Variants in COPG1 observed in about 807,000 individuals in gnomAD.
The protein encoded by COPG1 is coat protein complex I subunit gamma 1.
In COPG1, 29 loss-of-function variants were observed where a neutral mutation model predicts 102.8. The ratio of observed to expected loss-of-function variants is 0.28; its 90% CI spans 0.21 to 0.38. COPG1 has a LOEUF of 0.38. Ranked by LOEUF, COPG1 falls within the 10% of genes least tolerant of loss-of-function variation. The pLI, the probability that COPG1 is intolerant of heterozygous loss-of-function variation, is 1.00. For synonymous variants in COPG1, 406 were observed against 421.6 expected (o/e 0.96, Z 0.45); for missense variants, 875 against 1,132.7 (o/e 0.77, Z 3.27).
At chr3:129,254,768 C>T in intron 6 of COPG1, 25 bp downstream of exon 6, 1 of 1,600,986 alleles carries the variant, frequency 6.2e-7, no homozygotes, top group East Asian at 2.2e-5. Flanking sequence ...TTCCTCCCTG[C>T]TTCCTGGCCT....
Position 129,272,395 on chromosome 3 carries a change from C to T in COPG1, c.2138C>T (p.Pro713Leu). 1 of 1,613,762 alleles carries T rather than the reference C, an allele frequency of 6.2e-7. No individual in the cohort carries two copies. Among genetic ancestry groups the T allele is most frequent in the South Asian group, 1.1e-5 (1 of 91,016 alleles). The part of the protein sequence containing the change: ...PGTCYTLVAL[P>L]KEDPTAVACT... ...ACCTGCTACACACTGGTGGCACTGCCCAAAGAAGACCCCACAGCTGGTGAG... is the reference window on the plus strand; with the variant it reads ...ACCTGCTACACACTGGTGGCACTGCTCAAAGAAGACCCCACAGCTGGTGAG... The change falls in exon 20 of 24, where the codon CCC becomes CTC. Residue 713 changes from proline (P) to leucine (L), a missense_variant. Physicochemically the swap from Pro to Leu is moderately conservative, Grantham distance 98 (BLOSUM62 -3). Transcript: ENST00000314797.
chr3:129,256,092 G>A lies in COPG1; in HGVS notation c.517G>A (p.Val173Met), dbSNP rs369168388. Residue 173 changes from valine (V) to methionine (M), a missense_variant, in exon 8 of 24, where the codon GTG becomes ATG. By Grantham distance (21) the Val-to-Met change is conservative. Coordinates refer to ENST00000314797, the MANE Select transcript of COPG1 (RefSeq NM_016128.4). The stretch of plus-strand genomic sequence containing the variant: ...GCACCTGCTGAAGTGCAGCTTTGAC[G>A]TGGTCAAGCGCTGGGTGAATGAGGC... Reference protein sequence around the residue: ...SLHLLKCSFDVVKRWVNEAQE... With the variant: ...SLHLLKCSFDMVKRWVNEAQE... The A allele has an allele frequency of 8.1e-6, 13 of 1,613,942 alleles. No homozygotes were observed. The highest frequency in any genetic ancestry group is 1.7e-4 in the Middle Eastern group (1 of 6,052).
intron 8 of COPG1, among the ~76,000 whole-genome samples, chr3:129,257,052 C>G (rs2107674126): frequency 6.6e-6 from 1 of 152,294 alleles, no homozygotes; most frequent in African/African-American, 2.4e-5. Flanking sequence ...GTGGGTAATG[C>G]AAGATTTCAT....
chr3:129,275,013 T>C lies in COPG1; in HGVS notation c.2395+37T>C, dbSNP rs1455563219. On this transcript the variant is annotated intron_variant, in intron 22 of 23. Transcript: ENST00000314797. This position sits in a 1 kb window ranked among gnomAD's most constrained non-coding sequence, Gnocchi z 5.0. The stretch of plus-strand genomic sequence containing the variant: ...GGAATGCCATCTCTGGCCTAATTAC[T>C]GTTCAAGATCTTTGGCTACTATTGA... 1.2e-6 allele frequency: 2 copies of C among 1,610,146 alleles called. No homozygotes were observed. Among genetic ancestry groups the C allele is most frequent in the Non-Finnish European group, 1.7e-6 (2 of 1,176,730 alleles).
At position 129,275,428 on chromosome 3, in the gene COPG1, T is replaced by G. The variant is rs1940246358; in HGVS notation, c.2494+136T>G. Reference sequence around the variant, plus strand: ...TTAAAATTCACAAAGTATAAAATAATCTGCAGCGAAATGTTTCCTCCCTAC... The same window carrying G: ...TTAAAATTCACAAAGTATAAAATAAGCTGCAGCGAAATGTTTCCTCCCTAC... On this transcript the variant is annotated intron_variant, in intron 23 of 23. Coordinates refer to ENST00000314797, the MANE Select transcript of COPG1 (RefSeq NM_016128.4). This position sits in a 1 kb window ranked among gnomAD's most constrained non-coding sequence, Gnocchi z 5.0. 1 of 645,472 alleles carries G rather than the reference T, an allele frequency of 1.5e-6. No homozygotes were observed. Among genetic ancestry groups the G allele is most frequent in the East Asian group, 2.8e-5 (1 of 36,224 alleles). The allele number at this position is 645,472 out of a possible 1,614,324, so 40.0% of individuals were successfully genotyped here.
chr3:129,255,202 G>A lies in COPG1; in HGVS notation c.492+125G>A, dbSNP rs555629912. 19 of 647,544 alleles carry A rather than the reference G, an allele frequency of 2.9e-5. No homozygotes were observed. The East Asian group carries it at 3.7e-4, about 13-fold the overall frequency. 40.1% of individuals were successfully genotyped at this position (647,544 alleles called of 1,614,324 possible). A position where few individuals can be genotyped will look rare whatever the true frequency, so the allele number is the denominator to read the frequency against. ...TTCTTTTTTTTTTTTTGATTGAGAC[G>A]GAGTCTCACTCTGTCACCCAGGCTA... is the stretch of plus-strand genomic sequence containing the variant. On this transcript the variant is annotated intron_variant, in intron 7 of 23. Transcript: ENST00000314797.
intron 21 of COPG1, among the ~76,000 whole-genome samples, chr3:129,273,910 A>ATCCT (rs1940223443): frequency 6.6e-6 from 1 of 152,160 alleles, no homozygotes; most frequent in African/African-American, 2.4e-5. Context: ...TAAGTACAGG[A>ATCCT]TCCTTCTGAG....
chr3:129,271,921 G>A lies in COPG1; in HGVS notation c.1986+12G>A, dbSNP rs1940187851. ...ACATGGTTTTTCAGGTGAGCAAGGT[G>A]GGCTGAGGCCCTGCTGGGGCATGCG... On this transcript the variant is annotated intron_variant, in intron 19 of 23. Transcript: ENST00000314797. The surrounding 1 kb of genome is among the most constrained non-coding windows in gnomAD (Gnocchi z 4.7). 6.2e-7 allele frequency: 1 copy of A among 1,613,380 alleles called. No homozygotes were observed. Among genetic ancestry groups the A allele is most frequent in the Non-Finnish European group, 8.5e-7 (1 of 1,179,670 alleles).
Position 129,275,059 on chromosome 3 carries a change from C to T in COPG1, c.2395+83C>T. The T allele has an allele frequency of 6.5e-7, 1 of 1,549,108 alleles. No homozygotes were observed. The highest frequency in any genetic ancestry group is 1.1e-5 in the South Asian group (1 of 87,316). Reference sequence around the variant, plus strand: ...ATTGAAGTGCTCATCCCTTTTCTCTCCAAGGATCCAGGGCCATGTCTGGAG... The same window carrying T: ...ATTGAAGTGCTCATCCCTTTTCTCTTCAAGGATCCAGGGCCATGTCTGGAG... On this transcript the variant is annotated intron_variant, in intron 22 of 23. Transcript: ENST00000314797. The surrounding 1 kb of genome is among the most constrained non-coding windows in gnomAD (Gnocchi z 5.0).
At chr3:129,269,805 G>A (rs919075034) in intron 18 of COPG1, among the ~76,000 whole-genome samples, 27 of 151,838 alleles carry the variant, frequency 1.8e-4, no homozygotes, top group Admixed American at 1.4e-3. Flanking sequence ...GCTGTAACAC[G>A]TTACCACAAA....
At chr3:129,254,785 T>C (rs1476054749) in intron 6 of COPG1, 42 bp downstream of exon 6, 12 of 1,532,344 alleles carry the variant, frequency 7.8e-6, no homozygotes, top group Non-Finnish European at 1.1e-5. Context: ...GCCTCTTGAT[T>C]GAGGCCTCGG....
At chr3:129,277,219 T>G in intron 23 of COPG1, 75 bp from the exon 24 acceptor site, 1 of 1,529,878 alleles carries the variant, frequency 6.5e-7, no homozygotes, top group Non-Finnish European at 9.0e-7. Flanking sequence ...CATGGGTTGC[T>G]GCAAATGCCA....
intron 15 of COPG1, 132 bp downstream of exon 15, chr3:129,267,231 A>G: frequency 4.8e-6 from 3 of 627,000 alleles, no homozygotes; most frequent in Non-Finnish European, 5.5e-6. Flanking sequence ...GAAAAAAAAG[A>G]GAAAGCATAG....
At chr3:129,268,106 G>A in intron 16 of COPG1, 66 bp downstream of exon 16, 1 of 1,368,502 alleles carries the variant, frequency 7.3e-7, no homozygotes, top group Non-Finnish European at 1.0e-6. Context: ...ATCACTCCCT[G>A]GGCAGGGGAA....
chr3:129,268,520 G>C lies in COPG1; in HGVS notation c.1674G>C (p.Leu558=), dbSNP rs1166976621. ...LNGLTVSIPG[L]ERALQQYTLE... ...GTCTGACTGTGTCCATCCCTGGTCT[G>C]GAGAGGGCTCTGCAGCAGTACACTC... is the stretch of plus-strand genomic sequence containing the variant. Residue 558 remains leucine (L), a synonymous_variant, in exon 17 of 24, where the codon CTG becomes CTC. Coordinates refer to ENST00000314797, the MANE Select transcript of COPG1 (RefSeq NM_016128.4). 1.9e-6 allele frequency: 3 copies of C among 1,614,202 alleles called. No individual in the cohort carries two copies. Among genetic ancestry groups the C allele is most frequent in the Non-Finnish European group, 2.5e-6 (3 of 1,180,030 alleles).
intron 11 of COPG1, 57 bp from the exon 12 acceptor site, chr3:129,260,562 C>A: frequency 6.3e-7 from 1 of 1,582,808 alleles, no homozygotes; most frequent in Non-Finnish European, 8.7e-7. Flanking sequence ...GCCAAACCAT[C>A]AAATGTAGTG....
At chr3:129,252,442 C>A in intron 3 of COPG1, 81 bp downstream of exon 3, 1 of 1,135,462 alleles carries the variant, frequency 8.8e-7, no homozygotes, top group Non-Finnish European at 1.3e-6. Flanking sequence ...CACTCTTAGG[C>A]TATTGGACAG....
chr3:129,263,009 C>T (rs1168869766), intron 12 of COPG1, among the ~76,000 whole-genome samples: 40 of 131,450 alleles, frequency 3.0e-4, no homozygotes, highest in African/African-American at 1.1e-3. Flanking sequence ...AGCGAGACTC[C>T]GTCTCAAAAA....
intron 18 of COPG1, among the ~76,000 whole-genome samples, chr3:129,269,635 T>G (rs1032922999): frequency 2.0e-5 from 3 of 152,094 alleles, no homozygotes; most frequent in South Asian, 2.1e-4. Context: ...CCCAGTGCCT[T>G]CCTTCCTCAC....
Sources: gnomAD v4.1 joint callset for allele counts (sites outside exome capture counted in the v4.1 genomes callset) on GRCh38, gnomAD v4.1.1 for gene constraint, Gnocchi (gnomAD v3.1) non-coding constraint, MANE v1.5 for transcripts, NCBI Gene and HGNC (gene_info 2026-07-23, HGNC 2026-07-21) for gene names.